FSD2: variants seen among roughly 807,000 people sequenced by gnomAD.
FSD2 encodes the protein fibronectin type III and SPRY domain containing 2, also known as fibronectin type III and SPRY domain-containing protein 2.
FSD2 carries 71 observed loss-of-function variants against 80.4 expected under a neutral mutation model. The observed-to-expected ratio is 0.88, with a 90% CI of 0.73 to 1.08. The LOEUF (loss-of-function observed/expected upper bound fraction) is 1.08. Among genes scored for constraint, FSD2 ranks in the 50% least tolerant of loss-of-function variants. The probability of loss-of-function intolerance (pLI) is 0.00; values close to 1 mark genes in which losing one functional copy is unlikely to be tolerated. For missense variants in FSD2, 923 were observed against 913.8 expected, an observed-to-expected ratio of 1.01 and a Z score of -0.13; for synonymous variants, 361 against 329.5, an observed-to-expected ratio of 1.10 and a Z score of -1.03.
intron 12 of FSD2, among the ~76,000 whole-genome samples, chr15:82,760,868 C>A (rs949179818): frequency 6.6e-6 from 1 of 152,156 alleles, no homozygotes; most frequent in African/African-American, 2.4e-5. Flanking sequence ...CTTCTTACCC[C>A]CTTTATTCTT....
intron 3 of FSD2, 116 bp downstream of exon 3, chr15:82,786,395 G>T: frequency 1.3e-6 from 1 of 769,260 alleles, no homozygotes; most frequent in Non-Finnish European, 2.2e-6. Flanking sequence ...AGGGGGAGTG[G>T]TGACCCCTCA....
intron 8 of FSD2, among the ~76,000 whole-genome samples, chr15:82,769,380 G>T (rs971631709): frequency 6.6e-6 from 1 of 151,412 alleles, no homozygotes; most frequent in African/African-American, 2.4e-5. Flanking sequence ...GACCAACCTG[G>T]CCAACATGGC....
Position 82,758,047 on chromosome 15 carries a change from T to A in FSD2, c.*1301A>T, listed in dbSNP as rs376358659. On this transcript the variant is annotated 3_prime_UTR_variant, in exon 13 of 13. Transcript: ENST00000334574. ...GCCTCAGCCTCCTGAGTAGCTGGGATTACAGGCGCCCACCACCATGCCCGG... is the reference window on the plus strand; with the variant it reads ...GCCTCAGCCTCCTGAGTAGCTGGGAATACAGGCGCCCACCACCATGCCCGG... 7.6e-4 allele frequency: 115 copies of A among 151,964 alleles called. No homozygotes were observed. Among genetic ancestry groups the A allele is most frequent in the African/African-American group, 2.7e-3 (112 of 41,466 alleles). The allele number at this position is 151,964 out of a possible 1,614,324, so 9.4% of individuals were successfully genotyped here. A position where few individuals can be genotyped will look rare whatever the true frequency, so the allele number is the denominator to read the frequency against.
At chr15:82,773,750 T>TA (rs996323090) in intron 6 of FSD2, among the ~76,000 whole-genome samples, 19 of 151,300 alleles carry the variant, frequency 1.3e-4, no homozygotes, top group Admixed American at 2.6e-4. Flanking sequence ...TTTACAATGG[T>TA]AAAAAAAAAT....
intron 12 of FSD2, among the ~76,000 whole-genome samples, chr15:82,760,113 A>G (rs1267853153): frequency 6.6e-6 from 1 of 151,996 alleles, no homozygotes; most frequent in Non-Finnish European, 1.5e-5. Context: ...TTCAAACATC[A>G]TTTTTTCTCT....
Position 82,800,356 on chromosome 15 carries a change from G to T in FSD2, c.-79+5610C>A, listed in dbSNP as rs368981939. Among the ~76,000 whole-genome samples the T allele has an allele frequency of 2.0e-5, 3 of 152,150 alleles. No homozygotes were observed. In the East Asian group the frequency reaches 5.8e-4, roughly 29 times the overall value. On this transcript the variant is annotated intron_variant, in intron 1 of 12. Transcript: ENST00000334574. ...GGAAGGATTTGAGACAGGCAGGCTAGCTAGGTTCCTATGTTAAGATGGTCT... is the reference window on the plus strand; with the variant it reads ...GGAAGGATTTGAGACAGGCAGGCTATCTAGGTTCCTATGTTAAGATGGTCT...
intron 12 of FSD2, among the ~76,000 whole-genome samples, chr15:82,759,881 C>T (rs2049251537): frequency 6.6e-6 from 1 of 152,000 alleles, no homozygotes; most frequent in Non-Finnish European, 1.5e-5. Flanking sequence ...GCAACCTCAG[C>T]CTCCTGGGTT....
Position 82,786,746 on chromosome 15 carries a change from A to G in FSD2, c.639+6T>C. On this transcript the variant is annotated splice_donor_region_variant and intron_variant, in intron 2 of 12. Coordinates refer to ENST00000334574, the MANE Select transcript of FSD2 (RefSeq NM_001007122.4). ...AGACAGAGAAGAACCAAGGACACCT[A>G]TTTACCTTGGCACTTTCCAGTGCTT... The G allele has an allele frequency of 1.2e-6, 2 of 1,612,478 alleles. No homozygotes were observed. The highest frequency in any genetic ancestry group is 1.7e-6 in the Non-Finnish European group (2 of 1,178,928).
At chr15:82,774,784 C>A (rs1372700760) in intron 6 of FSD2, among the ~76,000 whole-genome samples, 1 of 150,622 alleles carries the variant, frequency 6.6e-6, no homozygotes. Flanking sequence ...TGCAGTGGTG[C>A]GATCTCGGCT....
intron 3 of FSD2, 131 bp downstream of exon 3, chr15:82,786,380 A>T: frequency 1.5e-6 from 1 of 686,554 alleles, no homozygotes; most frequent in Non-Finnish European, 2.5e-6. Flanking sequence ...AGAAGGGAGG[A>T]GAGAAGGGGG....
At position 82,757,042 on chromosome 15, in the gene FSD2, C is replaced by A. The variant is rs2049191241; in HGVS notation, c.*2306G>T. The A allele has an allele frequency of 6.6e-6, 1 of 152,030 alleles. No homozygotes were observed. Among genetic ancestry groups the A allele is most frequent in the Non-Finnish European group, 1.5e-5 (1 of 68,012 alleles). 9.4% of individuals were successfully genotyped at this position (152,030 alleles called of 1,614,324 possible). A position where few individuals can be genotyped will look rare whatever the true frequency, so the allele number is the denominator to read the frequency against. On this transcript the variant is annotated 3_prime_UTR_variant, in exon 13 of 13. Coordinates refer to ENST00000334574, the MANE Select transcript of FSD2 (RefSeq NM_001007122.4). ...TACAAAAGTTTTGCTTGGTTCTGTT[C>A]TAGATGTTTTCTTCTAAATAAATGA...
At chr15:82,792,102 C>G (rs986986241) in intron 1 of FSD2, among the ~76,000 whole-genome samples, 1 of 152,226 alleles carries the variant, frequency 6.6e-6, no homozygotes, top group African/African-American at 2.4e-5. Flanking sequence ...TCATCTCTTG[C>G]AGGTATATAC....
At chr15:82,798,464 T>C (rs2050330531) in intron 1 of FSD2, among the ~76,000 whole-genome samples, 1 of 152,196 alleles carries the variant, frequency 6.6e-6, no homozygotes, top group Non-Finnish European at 1.5e-5. Flanking sequence ...TCCTAATGCC[T>C]ACCCCCATTA....
intron 6 of FSD2, among the ~76,000 whole-genome samples, chr15:82,776,416 G>A (rs1209154679): frequency 6.6e-6 from 1 of 152,206 alleles, no homozygotes; most frequent in Non-Finnish European, 1.5e-5. Flanking sequence ...TGGGAAGAAT[G>A]TGTATTCTGC....
chr15:82,794,959 C>T lies in FSD2; in HGVS notation c.-78-7491G>A, dbSNP rs910340972. On this transcript the variant is annotated intron_variant, in intron 1 of 12. Coordinates refer to ENST00000334574, the MANE Select transcript of FSD2 (RefSeq NM_001007122.4). ...CATGATGGTCTCGATCTCCTGACCT[C>T]GTGATCTGCCCGCCTGGGCCTCCCA... Among the ~76,000 whole-genome samples the T allele has an allele frequency of 5.9e-5, 9 of 152,090 alleles. No homozygotes were observed. The East Asian group carries it at 1.4e-3, about 23-fold the overall frequency.
rs761976708 is a variant in FSD2 at position 82,768,849 on chromosome 15, C to G, written c.1553+31G>C. On this transcript the variant is annotated intron_variant, in intron 9 of 12. Coordinates refer to ENST00000334574, the MANE Select transcript of FSD2 (RefSeq NM_001007122.4). ...TGTCACTGTATCAGGTGTCAGGGCT[C>G]TCGTGCCCAGCAAATGCCCTCATGA... The G allele has an allele frequency of 8.3e-6, 12 of 1,452,676 alleles. No individual in the cohort carries two copies. The South Asian group carries it at 2.1e-4, about 25-fold the overall frequency. 90.0% of individuals were successfully genotyped at this position (1,452,676 alleles called of 1,614,324 possible).
chr15:82,800,706 A>AAAAAAAAAAC (rs1566984194), intron 1 of FSD2, among the ~76,000 whole-genome samples: 1 of 145,588 alleles, frequency 6.9e-6, no homozygotes, highest in Non-Finnish European at 1.5e-5. Context: ...AAAAAAAAAA[A>AAAAAAAAAAC]AAAAAAAGCC....
Position 82,771,931 on chromosome 15 carries a change from G to C in FSD2, c.1267+142C>G, listed in dbSNP as rs553857560. ...GTGCCTTGCTAGCCCTTTCTGCCCT[G>C]TTCACCTGCCTGCATCCAATCCTCT... On this transcript the variant is annotated intron_variant, in intron 7 of 12. Transcript: ENST00000334574. 62 of 891,904 alleles carry C rather than the reference G, an allele frequency of 7.0e-5. No individual in the cohort carries two copies. In the African/African-American group the frequency reaches 1.0e-3, roughly 15 times the overall value. 55.2% of individuals were successfully genotyped at this position (891,904 alleles called of 1,614,324 possible). A position where few individuals can be genotyped will look rare whatever the true frequency, so the allele number is the denominator to read the frequency against.
chr15:82,786,913 C>T lies in FSD2; in HGVS notation c.478G>A (p.Glu160Lys), dbSNP rs756241239. ...YRYTHGRASE[E>K]YECYVIPEEE... The stretch of plus-strand genomic sequence containing the variant: ...TCGGGGATGACATAGCATTCATACT[C>T]CTCGCTGGCACGGCCGTGTGTGTAC... Residue 160 changes from glutamate to lysine, a missense_variant, in exon 2 of 13, where the codon GAG becomes AAG. Glu to Lys is a moderately conservative substitution (Grantham distance 56). Transcript: ENST00000334574. 4 of 1,613,950 alleles carry T rather than the reference C, an allele frequency of 2.5e-6. No homozygotes were observed. The highest frequency in any genetic ancestry group is 3.4e-6 in the Non-Finnish European group (4 of 1,179,888).
Sources: allele counts gnomAD v4.1 joint callset (sites outside exome capture counted in the v4.1 genomes callset), GRCh38; gene constraint gnomAD v4.1.1; transcripts MANE v1.5; gene names NCBI Gene and HGNC (gene_info 2026-07-23, HGNC 2026-07-21).